Variants in PLCB2 observed in about 807,000 individuals in gnomAD.
PLCB2 encodes the protein 1-phosphatidylinositol 4,5-bisphosphate phosphodiesterase beta-2.
Under a neutral mutation model 141.7 loss-of-function variants are expected in PLCB2, and 115 were observed. The ratio of observed to expected loss-of-function variants is 0.81; its 90% confidence interval spans 0.70 to 0.95. The LOEUF (loss-of-function observed/expected upper bound fraction) is 0.95, where lower values mean the gene tolerates loss of function less well. PLCB2 is among the 40% of genes least tolerant of loss of function. The pLI, the probability that PLCB2 is intolerant of heterozygous loss-of-function variation, is 0.00. For missense variants in PLCB2, 1,403 were observed against 1,541.1 expected (o/e 0.91, Z 1.50); for synonymous variants, 603 against 595.6 (o/e 1.01, Z -0.18).
rs1157986992 is a variant in PLCB2 at position 40,289,371 on chromosome 15, G to A, written c.3268-13C>T. On this transcript the variant is annotated splice_polypyrimidine_tract_variant and intron_variant, in intron 30 of 31. Transcript: ENST00000260402. ...AGTTCTCCGTCATCTGGGTGGGAGT[G>A]GATGGCAGAGAATCAGGACAACACA... 6.2e-7 allele frequency: 1 copy of A among 1,601,472 alleles called. No homozygotes were observed. The highest frequency in any genetic ancestry group is 1.7e-5 in the Admixed American group (1 of 60,012).
In PLCB2 at chr15:40,291,043, T is replaced by A. The variant is rs1342554473; in HGVS notation, c.3011A>T (p.Lys1004Met). Reference protein sequence around the residue: ...QGEEQYECVLKRKEQHVAEQI... With the variant: ...QGEEQYECVLMRKEQHVAEQI... Reference sequence around the variant, plus strand: ...CTCGGCCACGTGCTGCTCCTTGCGCTTCAGAACGCACTCGTACTGCTCCTC... The same window carrying A: ...CTCGGCCACGTGCTGCTCCTTGCGCATCAGAACGCACTCGTACTGCTCCTC... The change falls in exon 27 of 32, where the codon AAG (lysine) becomes ATG (methionine). Residue 1004 changes from lysine (K) to methionine (M), a missense_variant. Transcript: ENST00000260402. 6.3e-7 allele frequency: 1 copy of A among 1,594,468 alleles called. No individual in the cohort carries two copies. Among genetic ancestry groups the A allele is most frequent in the African/African-American group, 1.3e-5 (1 of 74,902 alleles).
At chr15:40,285,887 C>T (rs2039602649), downstream of PLCB2, 2 of 985,368 alleles carry the variant, frequency 2.0e-6, no homozygotes, top group Non-Finnish European at 2.4e-6. Flanking sequence ...GACAACTGAG[C>T]TTCATTTCTG....
chr15:40,302,452 A>T lies in PLCB2; in HGVS notation c.372+17T>A. 1 of 1,613,816 alleles carries T rather than the reference A, an allele frequency of 6.2e-7. No individual in the cohort carries two copies. The highest frequency in any genetic ancestry group is 8.5e-7 in the Non-Finnish European group (1 of 1,179,874). On this transcript the variant is annotated intron_variant, in intron 4 of 31. Transcript: ENST00000260402. ...ATCCCAGGGGCCCAGACCCAGGCCC[A>T]GTGCTCCCTGGCACACCTTGCCCAC...
In PLCB2 at chr15:40,299,190, G is replaced by A. The variant is rs566434783; in HGVS notation, c.621C>T (p.Val207=). 7 of 1,613,932 alleles carry A rather than the reference G, an allele frequency of 4.3e-6. No homozygotes were observed. Among genetic ancestry groups the A allele is most frequent in the South Asian group, 3.3e-5 (3 of 91,074 alleles). The change falls in exon 8 of 32, where the codon GTC becomes GTT. Residue 207 remains valine, a synonymous_variant. Transcript: ENST00000260402. ...AINPEDFPEP[V]YKSFLMSLCP... ...AGAGGCTCATGAGGAAACTCTTGTA[G>A]ACAGGTTCTGGGAAGTCCTCAGGAT...
rs768676521 is a variant in PLCB2, at chr15:40,295,181, C to T, written c.1781+20G>A. On this transcript the variant is annotated intron_variant, in intron 17 of 31. Coordinates refer to ENST00000260402, the MANE Select transcript of PLCB2 (RefSeq NM_004573.3). Reference sequence around the variant, plus strand: ...CCCCACCCAAGCCAAGGACCCTGGCCACTGAAACCTCAAGGATACTCCACA... The same window carrying T: ...CCCCACCCAAGCCAAGGACCCTGGCTACTGAAACCTCAAGGATACTCCACA... 41 of 1,611,458 alleles carry T rather than the reference C, an allele frequency of 2.5e-5. No individual in the cohort carries two copies. The highest frequency in any genetic ancestry group is 3.3e-5 in the Non-Finnish European group (39 of 1,177,570).
At position 40,302,662 on chromosome 15, in the gene PLCB2, G is replaced by T. The variant is rs929474523; in HGVS notation, c.232-53C>A. ...TGGAGGTGTGCTCCCTCCCTGCCCA[G>T]TGTGGCTCTCTCTGGCCCTCCCCTC... On this transcript the variant is annotated intron_variant, in intron 3 of 31. Transcript: ENST00000260402. 4.4e-6 allele frequency: 7 copies of T among 1,598,394 alleles called. No homozygotes were observed. In the African/African-American group the frequency reaches 6.7e-5, roughly 15 times the overall value.
chr15:40,291,160 G>C lies in PLCB2; in HGVS notation c.2894C>G (p.Ala965Gly). The stretch of plus-strand genomic sequence containing the variant: ...AGGGCCCTCGCCCGGCGCGGCTCCG[G>C]CGCTCTCCTCGCGGGGCAGGCTCCT... ...KKRSLPREES[A>G]GAAPGEGPEG... is the part of the protein sequence containing the mutation. The change falls in exon 27 of 32, where the codon GCC (alanine) becomes GGC (glycine). Residue 965 changes from alanine (A) to glycine (G), a missense_variant. By Grantham distance (60) the Ala-to-Gly change is moderately conservative. Transcript: ENST00000260402. 6.4e-7 allele frequency: 1 copy of C among 1,571,572 alleles called. No homozygotes were observed. Among genetic ancestry groups the C allele is most frequent in the Non-Finnish European group, 8.6e-7 (1 of 1,166,416 alleles).
chr15:40,294,556 TC>T, intron 18 of PLCB2, 136 bp from the exon 19 acceptor site: 2 of 856,732 alleles, frequency 2.3e-6, no homozygotes, highest in Non-Finnish European at 3.7e-6. Context: ...GCTTCTCCTG[TC>T]CCAGTCTGGT....
In PLCB2 at chr15:40,292,963, A is replaced by G. The variant is rs1203480897; in HGVS notation, c.2289T>C (p.Leu763=). The change falls in exon 21 of 32, where the codon CTT becomes CTC. Residue 763 remains leucine, a synonymous_variant. Transcript: ENST00000260402. ...CATTGATGGGGATGATGCGGTGTCC[A>G]AGAAACTTGTTGCCTTCCTCCATCA... is the stretch of plus-strand genomic sequence containing the variant. ...VAVMEEGNKF[L]GHRIIPINAL... The G allele has an allele frequency of 2.5e-6, 4 of 1,607,876 alleles. No homozygotes were observed. Among genetic ancestry groups the G allele is most frequent in the South Asian group, 1.1e-5 (1 of 90,256 alleles).
chr15:40,286,494 GTGAGTCAGCAGGGGACTCGAGTC>G (rs1490742707), downstream of PLCB2, among the ~76,000 whole-genome samples: 1 of 152,220 alleles, frequency 6.6e-6, no homozygotes, highest in Non-Finnish European at 1.5e-5. Flanking sequence ...AGGGGGCGGG[GTGAGTCAGCAGGGGACTCGAGTC>G]TGAGTCAGCA....
In PLCB2 at chr15:40,296,332, G is replaced by A. The variant is rs749999552; in HGVS notation, c.1660C>T (p.Gln554Ter). The A allele has an allele frequency of 6.8e-6, 11 of 1,613,676 alleles. No individual in the cohort carries two copies. The African/African-American group carries it at 1.5e-4, about 22-fold the overall frequency. ...TCAAAGGAGACGAACTTGGTGGGCT[G>A]GATGTAATTGACTAGGCTGGACATC... ...EEMSSLVNYI[Q>*]PTKFVSFEFS... Residue 554 changes from glutamine to a stop codon, truncating the protein, a stop_gained, in exon 16 of 32, where the codon CAG becomes TAG. Coordinates refer to ENST00000260402, the MANE Select transcript of PLCB2 (RefSeq NM_004573.3). LOFTEE classifies it high-confidence loss of function.
chr15:40,292,569 G>T (rs146210807), intron 21 of PLCB2, 126 bp from the exon 22 acceptor site: 3 of 608,282 alleles, frequency 4.9e-6, no homozygotes, highest in Non-Finnish European at 8.7e-6. Flanking sequence ...CTTCAGCCAG[G>T]TTACTTTAAC....
rs1269400224 is a variant in PLCB2, at chr15:40,294,246, T to C, written c.2061+20A>G. The C allele has an allele frequency of 6.2e-7, 1 of 1,611,878 alleles. No homozygotes were observed. The highest frequency in any genetic ancestry group is 1.7e-5 in the Admixed American group (1 of 59,994). ...TCAAGACCTCAGCCTCCCGGCCACT[T>C]GTGTGCCCCAGGGCCTTGCCGTAAT... is the stretch of plus-strand genomic sequence containing the variant. On this transcript the variant is annotated intron_variant, in intron 19 of 31. Transcript: ENST00000260402.
At chr15:40,303,492 G>C in intron 2 of PLCB2, 136 bp from the exon 3 acceptor site, 1 of 657,650 alleles carries the variant, frequency 1.5e-6, no homozygotes, top group East Asian at 2.7e-5. Flanking sequence ...CTAGATGCCA[G>C]GCTGCCCAGG....
In PLCB2 at chr15:40,297,025, A is replaced by C; in HGVS notation, c.1324-117T>G. ...CACTCCTCTTGACCTGCCTCTCACT[A>C]CTGCTTATCATCCCCATTCTCACTG... On this transcript the variant is annotated intron_variant, in intron 13 of 31. Transcript: ENST00000260402. This position sits in a 1 kb window ranked among gnomAD's most constrained non-coding sequence, Gnocchi z 4.2. 2 of 903,784 alleles carry C rather than the reference A, an allele frequency of 2.2e-6. No individual in the cohort carries two copies. Among genetic ancestry groups the C allele is most frequent in the Non-Finnish European group, 3.5e-6 (2 of 565,644 alleles). 56.0% of individuals were successfully genotyped at this position (903,784 alleles called of 1,614,324 possible). A position where few individuals can be genotyped will look rare whatever the true frequency, so the allele number is the denominator to read the frequency against.
At chr15:40,286,681 G>A (rs1437756791), downstream of PLCB2, among the ~76,000 whole-genome samples, 4 of 152,192 alleles carry the variant, frequency 2.6e-5, no homozygotes, top group East Asian at 1.9e-4. Flanking sequence ...AAGGGAAGGC[G>A]TCAACTCTTC....
chr15:40,291,488 C>T lies in PLCB2; in HGVS notation c.2648-1G>A. 1.3e-6 allele frequency: 2 copies of T among 1,584,778 alleles called. No individual in the cohort carries two copies. The highest frequency in any genetic ancestry group is 1.1e-5 in the South Asian group (1 of 88,398). On this transcript the variant is annotated splice_acceptor_variant, in intron 25 of 31. Coordinates refer to ENST00000260402, the MANE Select transcript of PLCB2 (RefSeq NM_004573.3). LOFTEE classifies it high-confidence loss of function. ...TCCTCCAGGCTGGCGGTCCGCGGCT[C>T]TGCGGAGGCCCGGGTGAGGCGCAAC...
At position 40,297,522 on chromosome 15, in the gene PLCB2, G is replaced by A. The variant is rs1440698328; in HGVS notation, c.1322C>T (p.Pro441Leu). ...MLLTEPLEKF[P>L]LKPGVPLPSP... is the part of the protein sequence containing the mutation. ...TGTCCCACAGCGAAGCCCACTCACT[G>A]GGAACTTTTCCAGGGGCTCTGTGAG... The change falls in exon 13 of 32, where the codon CCA becomes CTA. Residue 441 changes from proline to leucine, a missense_variant and splice_region_variant. By Grantham distance (98) the Pro-to-Leu change is moderately conservative. Around this residue, in one of 4 missense-constraint regions of PLCB2, gnomAD observed 975 missense variants for 1,141.1 expected, o/e 0.85. Coordinates refer to ENST00000260402, the MANE Select transcript of PLCB2 (RefSeq NM_004573.3). This position sits in a 1 kb window ranked among gnomAD's most constrained non-coding sequence, Gnocchi z 4.2. 5 of 1,612,394 alleles carry A rather than the reference G, an allele frequency of 3.1e-6. No individual in the cohort carries two copies. Among genetic ancestry groups the A allele is most frequent in the Non-Finnish European group, 4.2e-6 (5 of 1,178,580 alleles).
Position 40,302,027 on chromosome 15 carries a change from A to C in PLCB2, c.512T>G (p.Phe171Cys). 1 of 1,614,170 alleles carries C rather than the reference A, an allele frequency of 6.2e-7. No homozygotes were observed. Among genetic ancestry groups the C allele is most frequent in the African/African-American group, 1.3e-5 (1 of 75,052 alleles). Residue 171 changes from phenylalanine (F) to cysteine (C), a missense_variant, in exon 7 of 32, where the codon TTC (phenylalanine) becomes TGC (cysteine). Transcript: ENST00000260402. ...CTTGCGGTCAGCAGGAAACATCTGG[A>C]AAAAGCTGAAGGGGCAGAGAAAGGT... is the stretch of plus-strand genomic sequence containing the variant. ...SEGKIPVKNFFQMFPADRKRV... is the reference protein window; with the variant it reads ...SEGKIPVKNFCQMFPADRKRV...
Sources: gnomAD v4.1 joint callset for allele counts (sites outside exome capture counted in the v4.1 genomes callset) on GRCh38, gnomAD v4.1.1 for gene constraint, gnomAD v4.1.1 regional missense constraint, Gnocchi (gnomAD v3.1) non-coding constraint, MANE v1.5 for transcripts, NCBI Gene and HGNC (gene_info 2026-07-23, HGNC 2026-07-21) for gene names.